The following PTPRZ1 variants were observed in gnomAD, a reference collection of about 807,000 sequenced individuals.
PTPRZ1 encodes receptor-type tyrosine-protein phosphatase zeta.
In PTPRZ1, 82 loss-of-function variants were observed where a neutral mutation model predicts 214.1. The ratio of observed to expected loss-of-function variants is 0.38; its 90% CI spans 0.32 to 0.46. The LOEUF (loss-of-function observed/expected upper bound fraction) is 0.46. Among genes scored for constraint, PTPRZ1 ranks in the 20% least tolerant of loss-of-function variants. PTPRZ1 has a pLI of 1.00. For missense variants in PTPRZ1, 2,603 were observed against 2,748.7 expected (o/e 0.95, Z 1.19); for synonymous variants, 945 against 987.9 (o/e 0.96, Z 0.81).
At chr7:122,021,072 TGGA>T in intron 13 of PTPRZ1, among the ~76,000 whole-genome samples, 1 of 152,276 alleles carries the variant, frequency 6.6e-6, no homozygotes, top group Admixed American at 6.5e-5. Context: ...GAAAATAAGA[TGGA>T]GAATATGACC....
intron 29 of PTPRZ1, among the ~76,000 whole-genome samples, chr7:122,060,784 A>G (rs1221230907): frequency 6.6e-6 from 1 of 152,196 alleles, no homozygotes; most frequent in African/African-American, 2.4e-5. Flanking sequence ...TTCGCCCACA[A>G]GTTAACAGAA....
chr7:121,976,066 A>G (rs1349536856), intron 4 of PTPRZ1, 107 bp from the exon 5 acceptor site: 6 of 656,508 alleles, frequency 9.1e-6, no homozygotes, highest in Non-Finnish European at 1.6e-5. Context: ...GTAGTTGTAT[A>G]CATGTAATTT....
At chr7:122,018,562 A>G (rs1798915717) in intron 12 of PTPRZ1, among the ~76,000 whole-genome samples, 1 of 152,094 alleles carries the variant, frequency 6.6e-6, no homozygotes, top group Admixed American at 6.5e-5. Flanking sequence ...AACATTCAAA[A>G]TAACATTTAA....
intron 13 of PTPRZ1, among the ~76,000 whole-genome samples, chr7:122,021,607 T>A (rs1799018780): frequency 6.6e-6 from 1 of 152,004 alleles, no homozygotes; most frequent in African/African-American, 2.4e-5. Flanking sequence ...CTGGGCATGG[T>A]AGGGCATGTC....
chr7:121,911,946 T>G (rs1405269366), intron 1 of PTPRZ1, among the ~76,000 whole-genome samples: 6 of 152,064 alleles, frequency 3.9e-5, no homozygotes, highest in Admixed American at 3.9e-4. Context: ...TAAGTTCTGT[T>G]AATGAGTTTC....
intron 23 of PTPRZ1, among the ~76,000 whole-genome samples, chr7:122,050,041 G>A (rs1467660025): frequency 2.0e-5 from 3 of 152,194 alleles, no homozygotes; most frequent in East Asian, 3.9e-4. Flanking sequence ...GTCAAAAAAA[G>A]TAACATTGTA....
At chr7:122,052,759 C>A (rs542538954) in intron 25 of PTPRZ1, among the ~76,000 whole-genome samples, 3 of 152,236 alleles carry the variant, frequency 2.0e-5, no homozygotes, top group Middle Eastern at 3.4e-3. Flanking sequence ...TGCAAGATGT[C>A]TCCCTGGTTC....
intron 1 of PTPRZ1, among the ~76,000 whole-genome samples, chr7:121,912,114 G>A (rs1795296837): frequency 6.6e-6 from 1 of 152,086 alleles, no homozygotes; most frequent in African/African-American, 2.4e-5. Context: ...TTGAACAGCA[G>A]GAAGTATTAG....
intron 6 of PTPRZ1, among the ~76,000 whole-genome samples, chr7:121,982,779 T>C (rs1012715237): frequency 2.0e-5 from 3 of 152,176 alleles, no homozygotes; most frequent in Non-Finnish European, 4.4e-5. Context: ...TTTTCTTTCT[T>C]TCTTTTTTTT....
rs141955485 is a variant in PTPRZ1 at position 121,897,922 on chromosome 7, C to A, written c.58+24365C>A. On this transcript the variant is annotated intron_variant, in intron 1 of 29. Coordinates refer to ENST00000393386, the MANE Select transcript of PTPRZ1 (RefSeq NM_002851.3). ...CAACTAGAGTTTTTAAGCACTGATT[C>A]TTTTCCCTAAAACCTTATTATATCA... Among the ~76,000 whole-genome samples, 97 of 152,242 alleles carry A rather than the reference C, an allele frequency of 6.4e-4. No homozygotes were observed. The East Asian group carries it at 0.019, about 29-fold the overall frequency.
At chr7:121,970,669 T>C (rs996983742) in intron 3 of PTPRZ1, among the ~76,000 whole-genome samples, 2 of 152,192 alleles carry the variant, frequency 1.3e-5, no homozygotes, top group African/African-American at 4.8e-5. Flanking sequence ...TTCTTGTAAA[T>C]TTGTTTAAGT....
At chr7:121,947,260 A>T (rs918269323) in intron 2 of PTPRZ1, among the ~76,000 whole-genome samples, 23 of 151,498 alleles carry the variant, frequency 1.5e-4, no homozygotes, top group East Asian at 1.2e-3. Flanking sequence ...AAAATTATAA[A>T]AAAAAAAAAG....
At chr7:121,957,243 G>A (rs1352731904) in intron 2 of PTPRZ1, among the ~76,000 whole-genome samples, 2 of 151,940 alleles carry the variant, frequency 1.3e-5, no homozygotes, top group Non-Finnish European at 2.9e-5. Flanking sequence ...AGACAATCTC[G>A]CGGATCTTCT....
At chr7:121,908,503 T>C in intron 1 of PTPRZ1, 1 of 365,952 alleles carries the variant, frequency 2.7e-6, no homozygotes, top group Non-Finnish European at 5.2e-6. Context: ...AAGATTTGTT[T>C]TTTACCTAGC....
intron 1 of PTPRZ1, among the ~76,000 whole-genome samples, chr7:121,910,132 A>G (rs1463645048): frequency 6.6e-6 from 1 of 152,016 alleles, no homozygotes; most frequent in East Asian, 1.9e-4. Flanking sequence ...TGTTTTTCCA[A>G]CACATGGGGC....
chr7:121,939,725 G>A (rs6947848), intron 2 of PTPRZ1, among the ~76,000 whole-genome samples: 22 of 152,300 alleles, frequency 1.4e-4, no homozygotes, highest in African/African-American at 5.3e-4. Context: ...GGATTGTACA[G>A]CGTAAGCCAG....
chr7:121,934,784 A>G, intron 2 of PTPRZ1, among the ~76,000 whole-genome samples: 1 of 152,172 alleles, frequency 6.6e-6, no homozygotes, highest in South Asian at 2.1e-4. Flanking sequence ...TCATCTGTAG[A>G]TTTTTTTTAA....
chr7:122,060,888 C>A (rs1163606415), intron 29 of PTPRZ1, among the ~76,000 whole-genome samples, 192 bp from the exon 30 acceptor site: 1 of 152,118 alleles, frequency 6.6e-6, no homozygotes, highest in African/African-American at 2.4e-5. Flanking sequence ...GAATGGTCTG[C>A]CGATTGCAAC....
intron 1 of PTPRZ1, among the ~76,000 whole-genome samples, chr7:121,876,555 A>G (rs1025000631): frequency 7.0e-6 from 1 of 141,854 alleles, no homozygotes; most frequent in African/African-American, 2.7e-5. Context: ...ATAGAGTCTG[A>G]AATTCAATAT....
Sources: allele counts gnomAD v4.1 joint callset (sites outside exome capture counted in the v4.1 genomes callset), GRCh38; gene constraint gnomAD v4.1.1; transcripts MANE v1.5; gene names NCBI Gene and HGNC (gene_info 2026-07-23, HGNC 2026-07-21).